RPS6KC1: variants seen among roughly 807,000 people sequenced by gnomAD.
RPS6KC1 encodes inactive ribosomal protein S6 kinase delta-1.
In RPS6KC1, 54 loss-of-function variants were observed where a neutral mutation model predicts 103.8. That is an observed-to-expected ratio of 0.52 (90% CI 0.42 to 0.65). The LOEUF is 0.65. Ranked by LOEUF, RPS6KC1 falls within the 30% of genes least tolerant of loss-of-function variation. The probability of loss-of-function intolerance (pLI) is 0.00; values close to 1 mark genes in which losing one functional copy is unlikely to be tolerated. For synonymous variants in RPS6KC1, 439 were observed against 438.7 expected (o/e 1.00, Z -0.01); for missense variants, 1,151 against 1,253.8 (o/e 0.92, Z 1.24).
chr1:213,193,829 T>C (rs1167757130), intron 8 of RPS6KC1, among the ~76,000 whole-genome samples: 2 of 151,862 alleles, frequency 1.3e-5, no homozygotes, highest in African/African-American at 2.4e-5. Context: ...GGTTTTGCCA[T>C]GTTGCCCAGG....
the RPS6KC1 span, among the ~76,000 whole-genome samples, chr1:213,511,880 C>T: frequency 2.6e-5 from 4 of 152,094 alleles, no homozygotes; most frequent in Non-Finnish European, 4.4e-5. Flanking sequence ...ATATCATTTA[C>T]TCGTTTTTAT....
chr1:213,620,881 A>G, the RPS6KC1 span, among the ~76,000 whole-genome samples: 1 of 152,182 alleles, frequency 6.6e-6, no homozygotes, highest in African/African-American at 2.4e-5. Context: ...GAATTAGAGT[A>G]TATTTCTATA....
intron 8 of RPS6KC1, among the ~76,000 whole-genome samples, chr1:213,178,718 C>CT (rs960291541): frequency 1.8e-4 from 26 of 146,026 alleles, no homozygotes; most frequent in African/African-American, 1.5e-4. Context: ...TGACATTTAA[C>CT]TTTTTTTTTT....
the RPS6KC1 span, among the ~76,000 whole-genome samples, chr1:213,288,206 T>TA: frequency 6.6e-6 from 1 of 152,190 alleles, no homozygotes; most frequent in African/African-American, 2.4e-5. Context: ...TGCACACACT[T>TA]ACACATTCTT....
chr1:213,720,199 G>A, the RPS6KC1 span, among the ~76,000 whole-genome samples: 2 of 152,202 alleles, frequency 1.3e-5, no homozygotes, highest in Non-Finnish European at 2.9e-5. Flanking sequence ...CAGTGTATGT[G>A]GTGAGAGACT....
At chr1:213,560,894 G>A in the RPS6KC1 span, among the ~76,000 whole-genome samples, 1 of 152,144 alleles carries the variant, frequency 6.6e-6, no homozygotes, top group Non-Finnish European at 1.5e-5. Flanking sequence ...TGCCCCAGAT[G>A]GAGATACTAG....
chr1:213,785,115 C>A, the RPS6KC1 span, among the ~76,000 whole-genome samples: 5 of 152,182 alleles, frequency 3.3e-5, no homozygotes, highest in Admixed American at 3.3e-4. Context: ...CTTTTATAAT[C>A]TATTAACCCA....
At chr1:213,397,098 G>A in the RPS6KC1 span, among the ~76,000 whole-genome samples, 26 of 152,222 alleles carry the variant, frequency 1.7e-4, no homozygotes, top group Admixed American at 5.2e-4. Context: ...CCAACACATC[G>A]AATAAGATAT....
chr1:213,829,268 C>CAA, the RPS6KC1 span, among the ~76,000 whole-genome samples: 13,316 of 113,702 alleles, frequency 0.12, 1,155 homozygotes, highest in African/African-American at 0.14. Context: ...TCGTTTGTTT[C>CAA]AAAAAAAAAA....
chr1:213,472,441 C>T, the RPS6KC1 span, among the ~76,000 whole-genome samples: 1 of 152,168 alleles, frequency 6.6e-6, no homozygotes, highest in Non-Finnish European at 1.5e-5. Context: ...CATGAAAACA[C>T]CTGGAAGAGT....
At chr1:213,054,710 GCAGTTCT>G (rs2077199236) in intron 1 of RPS6KC1, among the ~76,000 whole-genome samples, 1 of 152,056 alleles carries the variant, frequency 6.6e-6, no homozygotes, top group South Asian at 2.1e-4. Flanking sequence ...GTGCTTTTTT[GCAGTTCT>G]CTGAAATCTG....
In RPS6KC1 at chr1:213,104,471, G is replaced by A. The variant is rs1390451614; in HGVS notation, c.280G>A (p.Val94Ile). The change falls in exon 4 of 15, where the codon GTT (valine) becomes ATT (isoleucine). Residue 94 changes from valine (V) to isoleucine (I), a missense_variant. Physicochemically the swap from Val to Ile is conservative, Grantham distance 29 (BLOSUM62 3). Transcript: ENST00000366960. Reference sequence around the variant, plus strand: ...AATTGTAGGGCGATTTGATGAAACTGTTATCGAAGAGAGAAGACAATGTGC... The same window carrying A: ...AATTGTAGGGCGATTTGATGAAACTATTATCGAAGAGAGAAGACAATGTGC... Reference protein sequence around the residue: ...GIVFGRFDETVIEERRQCAED... With the variant: ...GIVFGRFDETIIEERRQCAED... 6 of 1,609,374 alleles carry A rather than the reference G, an allele frequency of 3.7e-6. No individual in the cohort carries two copies. Among genetic ancestry groups the A allele is most frequent in the East Asian group, 2.2e-5 (1 of 44,756 alleles).
At chr1:213,346,708 A>C in the RPS6KC1 span, among the ~76,000 whole-genome samples, 1 of 152,206 alleles carries the variant, frequency 6.6e-6, no homozygotes, top group African/African-American at 2.4e-5. Flanking sequence ...CAAATATCAT[A>C]CTGTTTACAT....
the RPS6KC1 span, among the ~76,000 whole-genome samples, chr1:213,524,236 C>A: frequency 5.3e-5 from 8 of 152,134 alleles, no homozygotes; most frequent in African/African-American, 1.9e-4. Context: ...GGCATGCTGC[C>A]AGACCTGGGA....
chr1:213,528,958 C>CATTG, the RPS6KC1 span, among the ~76,000 whole-genome samples: 1 of 152,192 alleles, frequency 6.6e-6, no homozygotes, highest in African/African-American at 2.4e-5. Context: ...TTAATTAAAG[C>CATTG]ATTCATTCAT....
the RPS6KC1 span, among the ~76,000 whole-genome samples, chr1:213,501,329 T>G: frequency 2.0e-5 from 3 of 152,208 alleles, no homozygotes; most frequent in African/African-American, 7.2e-5. Flanking sequence ...GATTGCCATT[T>G]AGAGAAAAAA....
intron 8 of RPS6KC1, among the ~76,000 whole-genome samples, chr1:213,226,495 A>G (rs1020471571): frequency 2.0e-5 from 3 of 152,236 alleles, no homozygotes; most frequent in East Asian, 3.8e-4. Flanking sequence ...CTGAAAAATA[A>G]TAAAAGTCAA....
At chr1:213,247,307 A>G (rs1009164356) in intron 12 of RPS6KC1, among the ~76,000 whole-genome samples, 10 of 152,236 alleles carry the variant, frequency 6.6e-5, no homozygotes, top group African/African-American at 9.6e-5. Context: ...TAGAAAAATC[A>G]TGCTGAAAAC....
At chr1:213,270,590 A>T (rs1298380075) in intron 14 of RPS6KC1, among the ~76,000 whole-genome samples, 1 of 138,030 alleles carries the variant, frequency 7.2e-6, no homozygotes, top group East Asian at 2.3e-4. Flanking sequence ...AGCCTTGACA[A>T]CATAGTGAGA....
Sources: allele counts gnomAD v4.1 joint callset (sites outside exome capture counted in the v4.1 genomes callset), GRCh38; gene constraint gnomAD v4.1.1; transcripts MANE v1.5; gene names NCBI Gene and HGNC (gene_info 2026-07-23, HGNC 2026-07-21).